Variants in SORBS2 observed in about 807,000 individuals in gnomAD.
SORBS2 encodes sorbin and SH3 domain-containing protein 2.
Under a neutral mutation model 97.7 loss-of-function variants are expected in SORBS2, and 46 were observed. The ratio of observed to expected loss-of-function variants is 0.47; its 90% CI spans 0.37 to 0.60. SORBS2 has a LOEUF of 0.60. Ranked by LOEUF, SORBS2 falls within the 20% of genes least tolerant of loss-of-function variation. The probability of loss-of-function intolerance (pLI) is 0.00; values close to 1 mark genes in which losing one functional copy is unlikely to be tolerated. For synonymous variants in SORBS2, 476 were observed against 473.4 expected, an observed-to-expected ratio of 1.01 and a Z score of -0.07; for missense variants, 1,316 against 1,282.3, an observed-to-expected ratio of 1.03 and a Z score of -0.40.
chr4:185,614,799 A>C (rs2096603295), intron 11 of SORBS2, 32 bp downstream of exon 23: 14 of 1,611,928 alleles, frequency 8.7e-6, no homozygotes, highest in African/African-American at 2.7e-5. Context: ...CAAACAAACA[A>C]AAACAAACAA....
rs978869565 is a variant in SORBS2 at position 185,639,015 on chromosome 4, C to T, written c.396+7653G>A. ...GGCCAGGTTCCCTTGGAACAGGTGT[C>T]GGAGTTGTTGGGAGAGGGGGCTGCA... On this transcript the variant is annotated intron_variant, in intron 4 of 14. Coordinates refer to ENST00000418609, the Ensembl canonical transcript of SORBS2. The T allele has an allele frequency of 3.3e-6, 5 of 1,516,684 alleles. No homozygotes were observed. In the African/African-American group the frequency reaches 5.7e-5, roughly 17 times the overall value. 94.0% of individuals were successfully genotyped at this position (1,516,684 alleles called of 1,614,324 possible). A position where few individuals can be genotyped will look rare whatever the true frequency, so the allele number is the denominator to read the frequency against.
intron 2 of SORBS2, among the ~76,000 whole-genome samples, chr4:185,762,496 A>G (rs1185058657): frequency 6.6e-6 from 1 of 152,110 alleles, no homozygotes; most frequent in East Asian, 1.9e-4. Context: ...GTTGGGCAAA[A>G]AAAAAAAAGG....
intron 4 of SORBS2, among the ~76,000 whole-genome samples, chr4:185,640,199 AT>A (rs1408929946): frequency 6.6e-6 from 1 of 152,224 alleles, no homozygotes; most frequent in African/African-American, 2.4e-5. Flanking sequence ...GATCATAATT[AT>A]AAAGACTGTG....
intron 11 of SORBS2, among the ~76,000 whole-genome samples, chr4:185,614,389 C>T (rs563929249): frequency 4.0e-5 from 6 of 151,748 alleles, no homozygotes; most frequent in Non-Finnish European, 1.5e-5. Context: ...AAAGCGGCTC[C>T]CCCAAGAGGA....
At chr4:185,800,923 C>T (rs568820324) in intron 1 of SORBS2, among the ~76,000 whole-genome samples, 47 of 152,256 alleles carry the variant, frequency 3.1e-4, no homozygotes, top group Non-Finnish European at 6.2e-4. Context: ...TTTGGATCTA[C>T]TCCCCTAGCA....
chr4:185,774,102 AT>A (rs1162343565), intron 2 of SORBS2: 5 of 152,316 alleles, frequency 3.3e-5, no homozygotes, highest in African/African-American at 1.2e-4. Context: ...AAAAAAAAGT[AT>A]TTCTGAACTC....
chr4:185,915,823 T>A lies in SORBS2; in HGVS notation c.-338+40373A>T, dbSNP rs192057140. ...AAGGAACGTAGCTCTCTAAGAAGGT[T>A]AAGTAACACAAAAAAACCTAACCCT... On this transcript the variant is annotated intron_variant, in intron 1 of 20. Coordinates refer to the SORBS2 transcript ENST00000284776. Among the ~76,000 whole-genome samples the A allele has an allele frequency of 2.5e-3, 386 of 152,266 alleles. 2 individuals are homozygous for A. The highest frequency in any genetic ancestry group is 8.6e-3 in the African/African-American group (359 of 41,552).
chr4:185,655,947 G>C (rs947745293), intron 1 of SORBS2, among the ~76,000 whole-genome samples: 2 of 152,056 alleles, frequency 1.3e-5, no homozygotes, highest in African/African-American at 4.8e-5. Flanking sequence ...TCTTAATTTT[G>C]TCTATACTAT....
intron 2 of SORBS2, among the ~76,000 whole-genome samples, chr4:185,741,416 T>TC (rs1244766020): frequency 6.8e-6 from 1 of 147,004 alleles, no homozygotes; most frequent in Non-Finnish European, 1.5e-5. Flanking sequence ...TTTTTTTTTT[T>TC]TTTTTGAGGG....
At chr4:185,765,612 G>T (rs1441282916) in intron 2 of SORBS2, among the ~76,000 whole-genome samples, 1 of 152,096 alleles carries the variant, frequency 6.6e-6, no homozygotes, top group Non-Finnish European at 1.5e-5. Flanking sequence ...TTAAGAGGTG[G>T]ATCTCACCAT....
chr4:185,715,079 T>C (rs1190628806), intron 2 of SORBS2, among the ~76,000 whole-genome samples: 2 of 152,218 alleles, frequency 1.3e-5, no homozygotes, highest in Non-Finnish European at 2.9e-5. Flanking sequence ...AATATCAACA[T>C]TTTCTCATTA....
chr4:185,870,328 A>C (rs1434506919), intron 1 of SORBS2, among the ~76,000 whole-genome samples: 1 of 152,194 alleles, frequency 6.6e-6, no homozygotes, highest in Non-Finnish European at 1.5e-5. Context: ...ACACAGCCTG[A>C]CCCAAGGGGT....
At chr4:185,662,865 T>C (rs1325281059) in intron 4 of SORBS2, among the ~76,000 whole-genome samples, 1 of 152,258 alleles carries the variant, frequency 6.6e-6, no homozygotes, top group African/African-American at 2.4e-5. Flanking sequence ...GAGCACTTCA[T>C]GAATCTCTGT....
At chr4:185,948,456 C>G (rs1441037299) in intron 1 of SORBS2, among the ~76,000 whole-genome samples, 1 of 148,202 alleles carries the variant, frequency 6.7e-6, no homozygotes, top group Non-Finnish European at 1.5e-5. Flanking sequence ...TCCAGTAGTT[C>G]ATAAATGTAA....
rs567989021 is a variant in SORBS2 at position 185,587,385 on chromosome 4, G to T, written c.*242C>A. 3.7e-5 allele frequency: 14 copies of T among 374,510 alleles called. No homozygotes were observed. The South Asian group carries it at 9.5e-4, about 26-fold the overall frequency. The allele number at this position is 374,510 out of a possible 1,614,324, so 23.2% of individuals were successfully genotyped here. ...TTTCTTTCTGATCCCACATTTTGAC[G>T]TGTCAAAGCTTAGAGCAGGAAGTAG... On this transcript the variant is annotated 3_prime_UTR_variant, in exon 15 of 15. Coordinates refer to ENST00000418609, the Ensembl canonical transcript of SORBS2.
intron 2 of SORBS2, chr4:185,772,276 CT>C: frequency 6.6e-6 from 1 of 152,294 alleles, no homozygotes; most frequent in Non-Finnish European, 1.5e-5. Context: ...GGGACATTGC[CT>C]TCACTGAGAG....
intron 2 of SORBS2, among the ~76,000 whole-genome samples, chr4:185,699,506 C>T (rs976186032): frequency 6.6e-6 from 1 of 152,020 alleles, no homozygotes; most frequent in Non-Finnish European, 1.5e-5. Context: ...ACACTGGTCT[C>T]GAACTCTTGA....
At chr4:185,858,223 G>A (rs1363819413) in intron 1 of SORBS2, among the ~76,000 whole-genome samples, 1 of 152,056 alleles carries the variant, frequency 6.6e-6, no homozygotes, top group Non-Finnish European at 1.5e-5. Context: ...TTGAAATATT[G>A]GGGGCTGGTT....
chr4:185,706,630 G>C (rs1444387179), intron 2 of SORBS2, among the ~76,000 whole-genome samples: 1 of 152,158 alleles, frequency 6.6e-6, no homozygotes. Context: ...GACTTCTGCT[G>C]TTATAACATC....
Sources: gnomAD v4.1 joint callset for allele counts (sites outside exome capture counted in the v4.1 genomes callset) on GRCh38, gnomAD v4.1.1 for gene constraint, MANE v1.5 for transcripts, NCBI Gene and HGNC (gene_info 2026-07-23, HGNC 2026-07-21) for gene names.